The following WARS1 variants were observed in gnomAD, a reference collection of about 807,000 sequenced individuals.
The protein encoded by WARS1 is tryptophan--tRNA ligase, cytoplasmic.
In WARS1, 17 loss-of-function variants were observed where a neutral mutation model predicts 47.8. The ratio of observed to expected loss-of-function variants is 0.36; its 90% CI spans 0.24 to 0.53. The LOEUF is 0.53. Ranked by LOEUF, WARS1 falls within the 20% of genes least tolerant of loss-of-function variation. The probability of loss-of-function intolerance (pLI) is 0.91; values close to 1 mark genes in which losing one functional copy is unlikely to be tolerated. For missense variants in WARS1, 434 were observed against 608.0 expected (o/e 0.71, Z 3.01); for synonymous variants, 208 against 228.1 (o/e 0.91, Z 0.79).
At position 100,368,960 on chromosome 14, in the gene WARS1, T is replaced by C. The variant is rs188792493; in HGVS notation, c.99+127A>G. The C allele has an allele frequency of 1.9e-5, 11 of 577,386 alleles. No homozygotes were observed. The African/African-American group carries it at 2.0e-4, about 10-fold the overall frequency. The allele number at this position is 577,386 out of a possible 1,614,324, so 35.8% of individuals were successfully genotyped here. On this transcript the variant is annotated intron_variant, in intron 2 of 10. Transcript: ENST00000392882. ...TGGGAAACAAGAGTGAAATTCCCTCTCAAAAAATAAAAAATTATAACCAAA... is the reference window on the plus strand; with the variant it reads ...TGGGAAACAAGAGTGAAATTCCCTCCCAAAAAATAAAAAATTATAACCAAA...
At chr14:100,349,632 C>T (rs1315305975) in intron 6 of WARS1, among the ~76,000 whole-genome samples, 1 of 152,248 alleles carries the variant, frequency 6.6e-6, no homozygotes, top group African/African-American at 2.4e-5. Flanking sequence ...TAAGGACTTG[C>T]CCAAGGGAAC....
intron 4 of WARS1, among the ~76,000 whole-genome samples, chr14:100,357,848 C>T (rs1026908346): frequency 6.6e-6 from 1 of 152,116 alleles, no homozygotes; most frequent in East Asian, 1.9e-4. Flanking sequence ...AGATAAAATT[C>T]TAATGAATAA....
chr14:100,340,935 G>A (rs566509875), intron 9 of WARS1, among the ~76,000 whole-genome samples: 2 of 130,996 alleles, frequency 1.5e-5, no homozygotes, highest in African/African-American at 5.4e-5. Context: ...TTTTTTTTGA[G>A]CTGGAGTCTC....
At position 100,337,205 on chromosome 14, in the gene WARS1, G is replaced by A. The variant is rs1486551666; in HGVS notation, c.1114-3C>T. 6.2e-7 allele frequency: 1 copy of A among 1,613,406 alleles called. No homozygotes were observed. Reference sequence around the variant, plus strand: ...CCAGAAAACGCATGCTTATTGACCTGCACCAGAAGAGGACACAGACACGCT... The same window carrying A: ...CCAGAAAACGCATGCTTATTGACCTACACCAGAAGAGGACACAGACACGCT... On this transcript the variant is annotated splice_polypyrimidine_tract_variant and splice_region_variant and intron_variant, in intron 9 of 10. Coordinates refer to ENST00000392882, the MANE Select transcript of WARS1 (RefSeq NM_004184.4).
chr14:100,340,929 TTTTG>T (rs1894120973), intron 9 of WARS1, among the ~76,000 whole-genome samples: 1 of 151,216 alleles, frequency 6.6e-6, no homozygotes, highest in African/African-American at 2.4e-5. Context: ...TTTTTTTTTT[TTTTG>T]AGCTGGAGTC....
chr14:100,371,447 C>CAAAAAAAAAAAAAAAAAAAA lies in WARS1; in HGVS notation c.-73-2209_-73-2190dup, dbSNP rs60977618. On this transcript the variant is annotated intron_variant, in intron 1 of 10. Coordinates refer to ENST00000392882, the MANE Select transcript of WARS1 (RefSeq NM_004184.4). ...CCTGGGTGACAGAAAGGTTCTGTCT[C>CAAAAAAAAAAAAAAAAAAAA]AAAAAAAAAAAAAAAAAAAAGTAGG... 2.7e-4 allele frequency among the ~76,000 whole-genome samples: 24 copies of CAAAAAAAAAAAAAAAAAAAA among 89,140 alleles called. 2 individuals carry two copies. The highest frequency in any genetic ancestry group is 5.2e-4 in the Non-Finnish European group (18 of 34,708). 58.5% of individuals were successfully genotyped at this position (89,140 alleles called of 152,430 possible).
At position 100,343,606 on chromosome 14, in the gene WARS1, T is replaced by A. The variant is rs374770274; in HGVS notation, c.827-219A>T. 1.5e-3 allele frequency among the ~76,000 whole-genome samples: 230 copies of A among 152,304 alleles called. 3 individuals are homozygous for A. The highest frequency in any genetic ancestry group is 5.3e-3 in the African/African-American group (221 of 41,560). On this transcript the variant is annotated intron_variant, in intron 7 of 10. Transcript: ENST00000392882. ...TTACTCTATGCATTTTTGTTGTGATTACACTATATTTGGTCTTTCCTTGGC... is the reference window on the plus strand; with the variant it reads ...TTACTCTATGCATTTTTGTTGTGATAACACTATATTTGGTCTTTCCTTGGC...
intron 6 of WARS1, among the ~76,000 whole-genome samples, chr14:100,348,965 C>G (rs533758085): frequency 3.3e-5 from 5 of 152,340 alleles, no homozygotes; most frequent in Admixed American, 3.3e-4. Context: ...GGACGGCTGT[C>G]CCCCTGCACA....
chr14:100,368,583 C>T (rs1302875253), intron 2 of WARS1: 2 of 431,840 alleles, frequency 4.6e-6, no homozygotes, highest in African/African-American at 4.0e-5. Context: ...GGCTGGAGGG[C>T]CACTGTATTT....
chr14:100,356,164 A>G (rs1566854775), intron 4 of WARS1, among the ~76,000 whole-genome samples: 1 of 152,148 alleles, frequency 6.6e-6, no homozygotes, highest in Non-Finnish European at 1.5e-5. Flanking sequence ...TTAATCCCCA[A>G]TTTTACAGAT....
intron 3 of WARS1, 80 bp from the exon 4 acceptor site, chr14:100,360,742 G>T: frequency 1.9e-6 from 2 of 1,068,022 alleles, no homozygotes; most frequent in Non-Finnish European, 2.8e-6. Flanking sequence ...GATGAAAAGT[G>T]AGTGATCCAT....
chr14:100,360,755 A>G, intron 3 of WARS1, 93 bp from the exon 4 acceptor site: 1 of 930,004 alleles, frequency 1.1e-6, no homozygotes, highest in Non-Finnish European at 1.7e-6. Context: ...TGATCCATGC[A>G]CAATCTTAAT....
At chr14:100,364,638 C>T (rs1895846318) in intron 2 of WARS1, among the ~76,000 whole-genome samples, 1 of 152,226 alleles carries the variant, frequency 6.6e-6, no homozygotes, top group African/African-American at 2.4e-5. Flanking sequence ...CAACGTGTGC[C>T]AGCCAATTGC....
chr14:100,346,946 G>C (rs771537893), intron 6 of WARS1, 100 bp from the exon 7 acceptor site: 1 of 1,033,882 alleles, frequency 9.7e-7, no homozygotes, highest in Non-Finnish European at 1.5e-6. Context: ...AGTGGCATGG[G>C]CCAGACTCGG....
At position 100,336,796 on chromosome 14, in the gene WARS1, T is replaced by TA. The variant is rs199627653; in HGVS notation, c.1254+265dup. The TA allele has an allele frequency of 5.2e-3, 2,029 of 386,838 alleles. 9 individuals are homozygous for TA. Among genetic ancestry groups the TA allele is most frequent in the African/African-American group, 8.3e-3 (420 of 50,482 alleles). 24.0% of individuals were successfully genotyped at this position (386,838 alleles called of 1,614,324 possible). A position where few individuals can be genotyped will look rare whatever the true frequency, so the allele number is the denominator to read the frequency against. ...TGTCTTAGCTTTGATCACGTTAACT[T>TA]ACATTTCTCTGATGACTAATAAAGC... On this transcript the variant is annotated intron_variant, in intron 10 of 10. Coordinates refer to ENST00000392882, the MANE Select transcript of WARS1 (RefSeq NM_004184.4).
chr14:100,360,221 G>A (rs1895573613), intron 4 of WARS1, among the ~76,000 whole-genome samples: 1 of 152,228 alleles, frequency 6.6e-6, no homozygotes, highest in African/African-American at 2.4e-5. Flanking sequence ...TGTGGGAAAT[G>A]CTGATCTTGG....
At chr14:100,342,187 A>G (rs1894207551) in intron 9 of WARS1, 1 of 661,670 alleles carries the variant, frequency 1.5e-6, no homozygotes, top group Non-Finnish European at 2.7e-6. Context: ...CCTAAATGAA[A>G]GGACACAAAA....
intron 10 of WARS1, among the ~76,000 whole-genome samples, chr14:100,335,964 C>CTT (rs112530080): frequency 4.1e-5 from 6 of 146,736 alleles, no homozygotes; most frequent in Non-Finnish European, 9.1e-5. Flanking sequence ...GTCACTAAAA[C>CTT]TTTTTTTTTT....
rs1021711212 is a variant in WARS1, at chr14:100,335,130, T to C, written c.1255-94A>G. ...GCACCAGCTCAGCCCACACCACCCA[T>C]GCAGAGCCTGGCACGTGGGTGGCAC... On this transcript the variant is annotated intron_variant, in intron 10 of 10. Transcript: ENST00000392882. The C allele has an allele frequency of 3.8e-5, 49 of 1,281,710 alleles. No individual in the cohort carries two copies. The Admixed American group carries it at 8.6e-4, about 23-fold the overall frequency. 79.4% of individuals were successfully genotyped at this position (1,281,710 alleles called of 1,614,324 possible).
Sources: gnomAD v4.1 joint callset for allele counts (sites outside exome capture counted in the v4.1 genomes callset) on GRCh38, gnomAD v4.1.1 for gene constraint, MANE v1.5 for transcripts, NCBI Gene and HGNC (gene_info 2026-07-23, HGNC 2026-07-21) for gene names.